The following SIX3 variants were observed in gnomAD, a reference collection of about 807,000 sequenced individuals.
The protein encoded by SIX3 is SIX homeobox 3, also known as homeobox protein SIX3.
In SIX3, 2 loss-of-function variants were observed where a neutral mutation model predicts 21.7. The ratio of observed to expected loss-of-function variants is 0.09; its 90% confidence interval spans 0.04 to 0.29. SIX3 has a LOEUF of 0.29. Among genes scored for constraint, SIX3 ranks in the 10% least tolerant of loss-of-function variants. SIX3 has a pLI of 1.00. For synonymous variants in SIX3, 243 were observed against 220.6 expected, an observed-to-expected ratio of 1.10 and a Z score of -0.90; for missense variants, 347 against 480.7, an observed-to-expected ratio of 0.72 and a Z score of 2.60.
chr2:44,941,748 A>G lies in SIX3; in HGVS notation c.-357A>G. On this transcript the variant is annotated 5_prime_UTR_variant, in exon 1 of 2. Transcript: ENST00000260653. Reference sequence around the variant, plus strand: ...GAGATATTATGAGGCTGTTGTCATTAGGGCGATTGCGGTGGAATCGCTGAA... The same window carrying G: ...GAGATATTATGAGGCTGTTGTCATTGGGGCGATTGCGGTGGAATCGCTGAA... 3.3e-6 allele frequency: 1 copy of G among 305,118 alleles called. No homozygotes were observed. Among genetic ancestry groups the G allele is most frequent in the Non-Finnish European group, 6.4e-6 (1 of 156,080 alleles). 18.9% of individuals were successfully genotyped at this position (305,118 alleles called of 1,614,324 possible).
chr2:44,944,473 G>C (rs1666648790), intron 1 of SIX3, 95 bp from the exon 2 acceptor site: 2 of 1,373,282 alleles, frequency 1.5e-6, no homozygotes, highest in Middle Eastern at 2.5e-4. Context: ...AGAAGACTTG[G>C]GATGCTCCCG....
intron 1 of SIX3, among the ~76,000 whole-genome samples, chr2:44,943,291 T>C (rs925466868): frequency 9.2e-5 from 14 of 152,236 alleles, no homozygotes; most frequent in African/African-American, 3.4e-4. Flanking sequence ...TTCTTATTTC[T>C]GTGCGTTGCA....
In SIX3 at chr2:44,942,417, A is replaced by G; in HGVS notation, c.313A>G (p.Ile105Val). The change falls in exon 1 of 2, where the codon ATC becomes GTC. Residue 105 changes from isoleucine (I) to valine (V), a missense_variant. Transcript: ENST00000260653. The surrounding 1 kb of genome is among the most constrained non-coding windows in gnomAD (Gnocchi z 8.4). ...VCETLEETGD[I>V]ERLGRFLWSL... Reference sequence around the variant, plus strand: ...TGAGACGCTGGAGGAGACGGGCGACATCGAGCGGCTGGGCCGCTTCCTCTG... The same window carrying G: ...TGAGACGCTGGAGGAGACGGGCGACGTCGAGCGGCTGGGCCGCTTCCTCTG... 6.3e-7 allele frequency: 1 copy of G among 1,597,802 alleles called. No homozygotes were observed. Among genetic ancestry groups the G allele is most frequent in the Non-Finnish European group, 8.5e-7 (1 of 1,179,608 alleles).
At position 44,942,515 on chromosome 2, in the gene SIX3, G is replaced by C. The variant is rs1313026376; in HGVS notation, c.411G>C (p.Val137=). Residue 137 remains valine, a synonymous_variant, in exon 1 of 2, where the codon GTG becomes GTC. Transcript: ENST00000260653. The surrounding 1 kb of genome is among the most constrained non-coding windows in gnomAD (Gnocchi z 8.4). ...AGTCGATCCTGCGCGCGCGCGCCGT[G>C]GTCGCCTTCCACACGGGCAACTTCC... ...KHESILRARA[V]VAFHTGNFRD... 1 of 1,598,268 alleles carries C rather than the reference G, an allele frequency of 6.3e-7. No homozygotes were observed. Among genetic ancestry groups the C allele is most frequent in the Non-Finnish European group, 8.5e-7 (1 of 1,179,782 alleles).
chr2:44,942,325 C>G lies in SIX3; in HGVS notation c.221C>G (p.Pro74Arg), dbSNP rs771429347. The change falls in exon 1 of 2, where the codon CCG (proline) becomes CGG (arginine). Residue 74 changes from proline to arginine, a missense_variant. Physicochemically the swap from Pro to Arg is moderately radical, Grantham distance 103 (BLOSUM62 -2). Around this residue, in one of 4 missense-constraint regions of SIX3, gnomAD observed 105 missense variants for 116.1 expected, o/e 0.90. Transcript: ENST00000260653. This position sits in a 1 kb window ranked among gnomAD's most constrained non-coding sequence, Gnocchi z 8.4. The part of the protein sequence containing the change: ...GGGGGGSRAP[P>R]EELSMFQLPT... ...GGCGGCGGCGGCTCCAGGGCCCCCC[C>G]GGAAGAGTTGTCCATGTTCCAGCTG... The G allele has an allele frequency of 1.7e-4, 269 of 1,593,720 alleles. No individual in the cohort carries two copies. The highest frequency in any genetic ancestry group is 2.0e-4 in the Non-Finnish European group (230 of 1,177,682).
At position 44,942,243 on chromosome 2, in the gene SIX3, G is replaced by A; in HGVS notation, c.139G>A (p.Gly47Ser). ...GGGAGGCGGCGGCGGCGCGGGAGGC[G>A]GCAGCGGCGGCGGGAACGGTGCGGG... ...GAGGGGGAGG[G>S]SGGGNGAGGG... The change falls in exon 1 of 2, where the codon GGC becomes AGC. Residue 47 changes from glycine (G) to serine (S), a missense_variant. Transcript: ENST00000260653. The surrounding 1 kb of genome is among the most constrained non-coding windows in gnomAD (Gnocchi z 8.4). The A allele has an allele frequency of 1.3e-6, 2 of 1,574,896 alleles. No homozygotes were observed. The highest frequency in any genetic ancestry group is 1.4e-5 in the African/African-American group (1 of 73,598).
rs756962184 is a variant in SIX3, at chr2:44,944,778, C to T, written c.*18C>T. ...ATGTATGATAGCCAAGGCCGCCCTC[C>T]TCCCTCTCCTTCCCCTCCTCCCCCA... On this transcript the variant is annotated 3_prime_UTR_variant, in exon 2 of 2. Coordinates refer to ENST00000260653, the MANE Select transcript of SIX3 (RefSeq NM_005413.4). The T allele has an allele frequency of 6.4e-6, 10 of 1,561,070 alleles. No homozygotes were observed. The highest frequency in any genetic ancestry group is 8.6e-6 in the Non-Finnish European group (10 of 1,158,778).
In SIX3 at chr2:44,942,043, C is replaced by T; in HGVS notation, c.-62C>T. On this transcript the variant is annotated 5_prime_UTR_variant, in exon 1 of 2. Coordinates refer to ENST00000260653, the MANE Select transcript of SIX3 (RefSeq NM_005413.4). The surrounding 1 kb of genome is among the most constrained non-coding windows in gnomAD (Gnocchi z 8.4). ...CCTCCTGGTCCTCATCGCCCCTCTC[C>T]TCCTCTTCCTCCCCTCTCTCTTCCT... 11 of 1,366,974 alleles carry T rather than the reference C, an allele frequency of 8.0e-6. No individual in the cohort carries two copies. Among genetic ancestry groups the T allele is most frequent in the Non-Finnish European group, 1.1e-5 (11 of 978,314 alleles). 84.7% of individuals were successfully genotyped at this position (1,366,974 alleles called of 1,614,324 possible).
At chr2:44,944,497 G>A in intron 1 of SIX3, 71 bp from the exon 2 acceptor site, 1 of 1,481,784 alleles carries the variant, frequency 6.7e-7, no homozygotes, top group Non-Finnish European at 9.1e-7. Flanking sequence ...GCGGAATGGG[G>A]AGCGGCGGCG....
At chr2:44,944,076 C>G (rs1666638350) in intron 1 of SIX3, among the ~76,000 whole-genome samples, 1 of 152,262 alleles carries the variant, frequency 6.6e-6, no homozygotes, top group African/African-American at 2.4e-5. Context: ...CTCTTGCCTT[C>G]TCCTTTGCCC....
rs940329962 is a variant in SIX3 at position 44,941,934 on chromosome 2, G to A, written c.-171G>A. On this transcript the variant is annotated 5_prime_UTR_variant, in exon 1 of 2. Transcript: ENST00000260653. The stretch of plus-strand genomic sequence containing the variant: ...TGTGTGTGGATGTGTGTGGGGTGTG[G>A]GTGTCCCTTACGCCCTTCCTCCTCT... 4.9e-6 allele frequency: 3 copies of A among 608,150 alleles called. No individual in the cohort carries two copies. In the African/African-American group the frequency reaches 5.6e-5, roughly 11 times the overall value. The allele number at this position is 608,150 out of a possible 1,614,324, so 37.7% of individuals were successfully genotyped here.
chr2:44,942,184 T>C lies in SIX3; in HGVS notation c.80T>C (p.Ile27Thr), dbSNP rs1305570509. Residue 27 changes from isoleucine to threonine, a missense_variant, in exon 1 of 2, where the codon ATA (isoleucine) becomes ACA (threonine). Transcript: ENST00000260653. The surrounding 1 kb of genome is among the most constrained non-coding windows in gnomAD (Gnocchi z 8.4). ...TTCGCCGATTCTCACCACCGCTCCA[T>C]ACTTCTGGCGAGTAGCGGCGGCGGG... is the stretch of plus-strand genomic sequence containing the variant. ...PNFADSHHRS[I>T]LLASSGGGNG... 3.1e-6 allele frequency: 5 copies of C among 1,594,900 alleles called. No individual in the cohort carries two copies. Among genetic ancestry groups the C allele is most frequent in the Non-Finnish European group, 4.2e-6 (5 of 1,177,470 alleles).
Position 44,944,628 on chromosome 2 carries a change from C to T in SIX3, c.867C>T (p.Pro289=). ...GCTCGCTGGCCGAGCCCGGCTGCCC[C>T]ACGCACGGCTCGGCAGAGTCGCCGT... The part of the protein sequence containing the change: ...GMRSLAEPGC[P]THGSAESPST... The change falls in exon 2 of 2, where the codon CCC becomes CCT. Residue 289 remains proline, a synonymous_variant. Transcript: ENST00000260653. The T allele has an allele frequency of 6.3e-7, 1 of 1,575,580 alleles. No homozygotes were observed. Among genetic ancestry groups the T allele is most frequent in the Non-Finnish European group, 8.6e-7 (1 of 1,168,098 alleles).
In SIX3 at chr2:44,942,170, T is replaced by G. The variant is rs1313167122; in HGVS notation, c.66T>G (p.Ser22=). 3 of 1,597,910 alleles carry G rather than the reference T, an allele frequency of 1.9e-6. No individual in the cohort carries two copies. In the South Asian group the frequency reaches 3.3e-5, roughly 18 times the overall value. The part of the protein sequence containing the change: ...SHFLLPNFAD[S]HHRSILLASS... The stretch of plus-strand genomic sequence containing the variant: ...TCTTGTTGCCAAACTTCGCCGATTC[T>G]CACCACCGCTCCATACTTCTGGCGA... Residue 22 remains serine (S), a synonymous_variant, in exon 1 of 2, where the codon TCT becomes TCG. Transcript: ENST00000260653. This position sits in a 1 kb window ranked among gnomAD's most constrained non-coding sequence, Gnocchi z 8.4.
rs757077611 is a variant in SIX3, at chr2:44,942,068, T to A, written c.-37T>A. The A allele has an allele frequency of 6.6e-7, 1 of 1,519,504 alleles. No individual in the cohort carries two copies. Among genetic ancestry groups the A allele is most frequent in the Admixed American group, 1.7e-5 (1 of 58,926 alleles). The allele number at this position is 1,519,504 out of a possible 1,614,324, so 94.1% of individuals were successfully genotyped here. A position where few individuals can be genotyped will look rare whatever the true frequency, so the allele number is the denominator to read the frequency against. On this transcript the variant is annotated 5_prime_UTR_variant, in exon 1 of 2. Transcript: ENST00000260653. The surrounding 1 kb of genome is among the most constrained non-coding windows in gnomAD (Gnocchi z 8.4). ...CTCCTCTTCCTCCCCTCTCTCTTCCTCTCCCTGAATTTTCTCCTCTCCTCT... is the reference window on the plus strand; with the variant it reads ...CTCCTCTTCCTCCCCTCTCTCTTCCACTCCCTGAATTTTCTCCTCTCCTCT...
Position 44,944,608 on chromosome 2 carries a change from C to T in SIX3, c.847C>T (p.Leu283=). ...CATTGGACCGAGCGGCATGCGCTCG[C>T]TGGCCGAGCCCGGCTGCCCCACGCA... The part of the protein sequence containing the change: ...QAIGPSGMRS[L]AEPGCPTHGS... The change falls in exon 2 of 2, where the codon CTG becomes TTG. Residue 283 remains leucine (L), a synonymous_variant. Transcript: ENST00000260653. 6.3e-7 allele frequency: 1 copy of T among 1,575,644 alleles called. No individual in the cohort carries two copies. Among genetic ancestry groups the T allele is most frequent in the Non-Finnish European group, 8.6e-7 (1 of 1,167,832 alleles).
chr2:44,942,290 A>AGGCGGCGGC lies in SIX3; in HGVS notation c.199_207dup (p.Gly67_Gly69dup), dbSNP rs555285206. ...CGGGAGGCGGCGGTGCTGGCGGAGC[A>AGGCGGCGGC]GGCGGCGGCGGCGGCGGCGGCTCCA... On this transcript the variant is annotated inframe_insertion, in exon 1 of 2. Transcript: ENST00000260653. The surrounding 1 kb of genome is among the most constrained non-coding windows in gnomAD (Gnocchi z 8.4). The AGGCGGCGGC allele has an allele frequency of 1.6e-5, 25 of 1,555,992 alleles. No individual in the cohort carries two copies. Among genetic ancestry groups the AGGCGGCGGC allele is most frequent in the Non-Finnish European group, 2.0e-5 (23 of 1,158,022 alleles).
chr2:44,942,487 A>G lies in SIX3; in HGVS notation c.383A>G (p.His128Arg). The part of the protein sequence containing the change: ...APGACEAINK[H>R]ESILRARAVV... ...GGGGCGTGCGAGGCCATCAACAAACACGAGTCGATCCTGCGCGCGCGCGCC... is the reference window on the plus strand; with the variant it reads ...GGGGCGTGCGAGGCCATCAACAAACGCGAGTCGATCCTGCGCGCGCGCGCC... Residue 128 changes from histidine (H) to arginine (R), a missense_variant, in exon 1 of 2, where the codon CAC becomes CGC. Physicochemically the swap from His to Arg is conservative, Grantham distance 29. Around this residue, in one of 4 missense-constraint regions of SIX3, gnomAD observed 117 missense variants for 205.9 expected, o/e 0.57. Coordinates refer to ENST00000260653, the MANE Select transcript of SIX3 (RefSeq NM_005413.4). This position sits in a 1 kb window ranked among gnomAD's most constrained non-coding sequence, Gnocchi z 8.4. 6.3e-7 allele frequency: 1 copy of G among 1,598,098 alleles called. No homozygotes were observed. The highest frequency in any genetic ancestry group is 8.5e-7 in the Non-Finnish European group (1 of 1,179,702).
chr2:44,943,008 G>A (rs1558420227), intron 1 of SIX3, 98 bp downstream of exon 1: 3 of 1,472,496 alleles, frequency 2.0e-6, no homozygotes, highest in South Asian at 2.7e-5. Context: ...GAGAGCCAGG[G>A]AAGCCGTGAC....
Sources: gnomAD v4.1 joint callset for allele counts (sites outside exome capture counted in the v4.1 genomes callset) on GRCh38, gnomAD v4.1.1 for gene constraint, gnomAD v4.1.1 regional missense constraint, Gnocchi (gnomAD v3.1) non-coding constraint, MANE v1.5 for transcripts, NCBI Gene and HGNC (gene_info 2026-07-23, HGNC 2026-07-21) for gene names.